KLK1: variants seen among roughly 807,000 people sequenced by gnomAD.
The protein encoded by KLK1 is kallikrein 1, also known as kallikrein-1.
KLK1 carries 22 observed loss-of-function variants against 23.3 expected under a neutral mutation model. That is an observed-to-expected ratio of 0.95 (90% confidence interval 0.68 to 1.35). The LOEUF (loss-of-function observed/expected upper bound fraction) is 1.35, where lower values mean the gene tolerates loss of function less well. Among genes scored for constraint, KLK1 ranks in the 40% most tolerant of loss-of-function variants. KLK1 has a pLI of 0.00. For synonymous variants in KLK1, 140 were observed against 135.8 expected (o/e 1.03, Z -0.21); for missense variants, 301 against 338.9 (o/e 0.89, Z 0.88).
rs112009277 is a variant in KLK1 at position 50,822,680 on chromosome 19, T to G, written c.47-809A>C. On this transcript the variant is annotated intron_variant, in intron 1 of 4. Transcript: ENST00000301420. ...AGGGAGGCGTGAGTGGCAGTCCTTC[T>G]CGGACAGGGTGAAGGATGGGATCTT... 9.4e-4 allele frequency: 923 copies of G among 984,990 alleles called. 1 individual carries two copies. The highest frequency in any genetic ancestry group is 1.0e-3 in the Non-Finnish European group (841 of 829,860). The allele number at this position is 984,990 out of a possible 1,614,324, so 61.0% of individuals were successfully genotyped here. A position where few individuals can be genotyped will look rare whatever the true frequency, so the allele number is the denominator to read the frequency against.
At position 50,822,803 on chromosome 19, in the gene KLK1, G is replaced by A. The variant is rs995312416; in HGVS notation, c.46+900C>T. On this transcript the variant is annotated intron_variant, in intron 1 of 4. Transcript: ENST00000301420. ...AGGAAGAGGATTGGAGAAGTGGTGA[G>A]AACAGGCGCCAAGCAGCTGTGGGAA... The A allele has an allele frequency of 4.1e-6, 4 of 980,810 alleles. No individual in the cohort carries two copies. In the South Asian group the frequency reaches 1.9e-4, roughly 46 times the overall value. The allele number at this position is 980,810 out of a possible 1,614,324, so 60.8% of individuals were successfully genotyped here. A position where few individuals can be genotyped will look rare whatever the true frequency, so the allele number is the denominator to read the frequency against.
Position 50,819,968 on chromosome 19 carries a change from G to C in KLK1, c.564C>G (p.Ala188=). 1 of 1,614,066 alleles carries C rather than the reference G, an allele frequency of 6.2e-7. No homozygotes were observed. The highest frequency in any genetic ancestry group is 1.3e-5 in the African/African-American group (1 of 75,040). ...TGAAGTCTGTCACCTTCTGGACGTG[G>C]GCTTTTTTGCACTCATCATTAGGCA... The part of the protein sequence containing the change: ...KILPNDECKK[A]HVQKVTDFML... The change falls in exon 4 of 5, where the codon GCC becomes GCG. Residue 188 remains alanine (A), a synonymous_variant. Coordinates refer to ENST00000301420, the MANE Select transcript of KLK1 (RefSeq NM_002257.4).
At position 50,823,743 on chromosome 19, in the gene KLK1, C is replaced by T; in HGVS notation, c.6G>A (p.Trp2Ter). Residue 2 changes from tryptophan to a stop codon, truncating the protein, a stop_gained, in exon 1 of 5, where the codon TGG becomes TGA. Coordinates refer to ENST00000301420, the MANE Select transcript of KLK1 (RefSeq NM_002257.4). LOFTEE classifies it high-confidence loss of function. M[W>*]FLVLCLALSL... ...ACAGGGCGAGGCACAGAACCAGGAA[C>T]CACATGGTGACAGAGGTGTCCAGGG... 1.9e-6 allele frequency: 3 copies of T among 1,611,142 alleles called. No homozygotes were observed. Among genetic ancestry groups the T allele is most frequent in the South Asian group, 1.1e-5 (1 of 90,830 alleles).
chr19:50,819,769 C>T (rs2089810390), intron 4 of KLK1, 130 bp downstream of exon 4: 1 of 876,868 alleles, frequency 1.1e-6, no homozygotes, highest in South Asian at 1.6e-5. Context: ...AGCTGGGGCA[C>T]TGATGGGGCG....
intron 1 of KLK1, chr19:50,822,761 C>A: frequency 1.0e-6 from 1 of 985,188 alleles, no homozygotes; most frequent in African/African-American, 1.7e-5. Flanking sequence ...ATATGGGGTC[C>A]TCTTGGAGGC....
At chr19:50,823,485 T>C (rs1468599360) in intron 1 of KLK1, among the ~76,000 whole-genome samples, 4 of 151,294 alleles carry the variant, frequency 2.6e-5, no homozygotes, top group Non-Finnish European at 5.9e-5. Context: ...GAATCTGGTG[T>C]GGGAGTGAGC....
At position 50,821,858 on chromosome 19, in the gene KLK1, CG is replaced by C. The variant is rs759408249; in HGVS notation, c.59del (p.Pro20ArgfsTer84). The C allele has an allele frequency of 8.1e-6, 13 of 1,609,858 alleles. No homozygotes were observed. The African/African-American group carries it at 9.4e-5, about 12-fold the overall frequency. Reference sequence around the variant, plus strand: ...AGCCTCCCACAATCCGGGACTGAATCGGGGGCGCAGCACCTGCAGAGGCGGT... The same window carrying C: ...AGCCTCCCACAATCCGGGACTGAATCGGGGCGCAGCACCTGCAGAGGCGGT... ...LSLGGTGAAP[P>X]IQSRIVGGWE... On this transcript the variant is annotated frameshift_variant, in exon 2 of 5. Coordinates refer to ENST00000301420, the MANE Select transcript of KLK1 (RefSeq NM_002257.4). LOFTEE classifies it high-confidence loss of function. This position sits in a 1 kb window ranked among gnomAD's most constrained non-coding sequence, Gnocchi z 5.6.
intron 1 of KLK1, among the ~76,000 whole-genome samples, chr19:50,823,207 G>A (rs920839977): frequency 2.0e-5 from 3 of 152,158 alleles, no homozygotes; most frequent in African/African-American, 7.2e-5. Flanking sequence ...AGGGTCTGGA[G>A]GACACAGTTG....
intron 1 of KLK1, chr19:50,822,467 G>A: frequency 1.0e-6 from 1 of 985,642 alleles, no homozygotes; most frequent in Non-Finnish European, 1.2e-6. Flanking sequence ...GAAGGGGCCA[G>A]CTTGGCTGGG....
chr19:50,820,578 A>G, intron 2 of KLK1, 135 bp from the exon 3 acceptor site: 1 of 654,576 alleles, frequency 1.5e-6, no homozygotes, highest in South Asian at 1.9e-5. Context: ...AGAGGAAGAA[A>G]GATATAGTTA....
chr19:50,820,819 G>T, intron 2 of KLK1: 1 of 168,818 alleles, frequency 5.9e-6, no homozygotes. Flanking sequence ...ACACGGAAGG[G>T]AGCGAGAAGC....
At chr19:50,822,495 C>T in intron 1 of KLK1, 2 of 985,318 alleles carry the variant, frequency 2.0e-6, no homozygotes, top group South Asian at 9.4e-5. Context: ...GATTTCAGGG[C>T]TTCCTGGTTA....
At chr19:50,819,415 C>T in intron 4 of KLK1, 66 bp from the exon 5 acceptor site, 1 of 1,497,390 alleles carries the variant, frequency 6.7e-7, no homozygotes, top group Non-Finnish European at 9.0e-7. Flanking sequence ...GCCTGGGGAG[C>T]CCCAGCTCGC....
At chr19:50,822,297 C>A (rs2089833233) in intron 1 of KLK1, 2 of 994,024 alleles carry the variant, frequency 2.0e-6, no homozygotes, top group Non-Finnish European at 2.4e-6. Context: ...GAGGAAGAAT[C>A]TGGAGGGCTA....
rs1225364303 is a variant in KLK1 at position 50,821,356 on chromosome 19, G to A, written c.206+356C>T. On this transcript the variant is annotated intron_variant, in intron 2 of 4. Transcript: ENST00000301420. The surrounding 1 kb of genome is among the most constrained non-coding windows in gnomAD (Gnocchi z 5.6). Reference sequence around the variant, plus strand: ...GCGGTGAGGTAGAGACCCAGAGAGAGAGAGATGGGTAGAGAGATGGAGGGT... The same window carrying A: ...GCGGTGAGGTAGAGACCCAGAGAGAAAGAGATGGGTAGAGAGATGGAGGGT... Among the ~76,000 whole-genome samples, 1 of 152,180 alleles carries A rather than the reference G, an allele frequency of 6.6e-6. No homozygotes were observed. The highest frequency in any genetic ancestry group is 2.4e-5 in the African/African-American group (1 of 41,420).
intron 1 of KLK1, among the ~76,000 whole-genome samples, chr19:50,823,123 A>G (rs879693827): frequency 1.5e-4 from 23 of 152,060 alleles, no homozygotes; most frequent in African/African-American, 5.3e-4. Context: ...GGGGGATCCC[A>G]CATGCCAGTT....
chr19:50,823,634 G>C (rs1056494627), intron 1 of KLK1, 69 bp downstream of exon 1: 5 of 983,130 alleles, frequency 5.1e-6, no homozygotes, highest in South Asian at 1.5e-5. Flanking sequence ...AGGTCTTATC[G>C]GGGGGGGATG....
intron 2 of KLK1, 150 bp from the exon 3 acceptor site, chr19:50,820,593 G>A: frequency 1.6e-6 from 1 of 609,214 alleles, no homozygotes; most frequent in Non-Finnish European, 2.9e-6. Flanking sequence ...TAGTTATGGA[G>A]AAATACAGAC....
At chr19:50,819,386 TC>T in intron 4 of KLK1, 37 bp from the exon 5 acceptor site, 1 of 1,570,588 alleles carries the variant, frequency 6.4e-7, no homozygotes. Context: ...GTGAGAAAGG[TC>T]TACGGGGCCC....
Sources: gnomAD v4.1 joint callset for allele counts (sites outside exome capture counted in the v4.1 genomes callset) on GRCh38, gnomAD v4.1.1 for gene constraint, Gnocchi (gnomAD v3.1) non-coding constraint, MANE v1.5 for transcripts, NCBI Gene and HGNC (gene_info 2026-07-23, HGNC 2026-07-21) for gene names.